Variants in HOOK1 observed in about 807,000 individuals in gnomAD.
HOOK1 encodes protein Hook homolog 1.
A neutral mutation model predicts 112.8 loss-of-function variants in HOOK1; 60 were observed. That is an observed-to-expected ratio of 0.53 (90% CI 0.43 to 0.66). The LOEUF (loss-of-function observed/expected upper bound fraction) is 0.66, where lower values mean the gene tolerates loss of function less well. HOOK1 is among the 30% of genes least tolerant of loss of function. The pLI is 0.00. For missense variants in HOOK1, 770 were observed against 856.0 expected, an observed-to-expected ratio of 0.90 and a Z score of 1.25; for synonymous variants, 294 against 283.8, an observed-to-expected ratio of 1.04 and a Z score of -0.36.
rs1009904822 is a variant in HOOK1, at chr1:59,837,068, A to G, written c.537+133A>G. 7 of 555,462 alleles carry G rather than the reference A, an allele frequency of 1.3e-5. No individual in the cohort carries two copies. The Admixed American group carries it at 1.3e-4, about 10-fold the overall frequency. 34.4% of individuals were successfully genotyped at this position (555,462 alleles called of 1,614,324 possible). A position where few individuals can be genotyped will look rare whatever the true frequency, so the allele number is the denominator to read the frequency against. ...TGTGAAATTTGGTTTATTCTTCTGC[A>G]TGATCCCAATTGAATGGCAGTGGTG... is the stretch of plus-strand genomic sequence containing the variant. On this transcript the variant is annotated intron_variant, in intron 7 of 21. Transcript: ENST00000371208.
intron 2 of HOOK1, among the ~76,000 whole-genome samples, chr1:59,824,202 A>G (rs1014740469): frequency 4.7e-5 from 7 of 150,204 alleles, no homozygotes; most frequent in African/African-American, 1.8e-4. Context: ...CACTTTAAAT[A>G]TGTTACAATT....
intron 19 of HOOK1, among the ~76,000 whole-genome samples, chr1:59,867,854 T>C (rs1303185151): frequency 6.6e-6 from 1 of 152,160 alleles, no homozygotes; most frequent in African/African-American, 2.4e-5. Flanking sequence ...CTTTATAAAA[T>C]CAATGTTTCC....
At chr1:59,835,190 T>G (rs2098396693) in intron 5 of HOOK1, among the ~76,000 whole-genome samples, 155 bp from the exon 6 acceptor site, 1 of 152,204 alleles carries the variant, frequency 6.6e-6, no homozygotes, top group Admixed American at 6.5e-5. Flanking sequence ...TCAGTTTATC[T>G]TGGTGAGGAA....
intron 2 of HOOK1, among the ~76,000 whole-genome samples, chr1:59,828,084 AC>A (rs1490481226): frequency 2.6e-5 from 4 of 152,176 alleles, no homozygotes; most frequent in African/African-American, 9.6e-5. Flanking sequence ...TCAATTCCTT[AC>A]TCAGAGAAAG....
At chr1:59,870,194 T>G (rs1178264694) in intron 20 of HOOK1, among the ~76,000 whole-genome samples, 1 of 152,208 alleles carries the variant, frequency 6.6e-6, no homozygotes, top group Non-Finnish European at 1.5e-5. Context: ...ATGTTTGAAA[T>G]GTACATCCCC....
intron 20 of HOOK1, among the ~76,000 whole-genome samples, chr1:59,870,197 A>T (rs1644034085): frequency 6.6e-6 from 1 of 152,216 alleles, no homozygotes; most frequent in African/African-American, 2.4e-5. Context: ...TTTGAAATGT[A>T]CATCCCCAAC....
At chr1:59,862,663 C>T (rs1240608400) in intron 15 of HOOK1, 121 bp from the exon 16 acceptor site, 6 of 609,222 alleles carry the variant, frequency 9.8e-6, no homozygotes, top group Admixed American at 2.4e-5. Flanking sequence ...ATAATTATTC[C>T]GCATTTGTCA....
At chr1:59,867,453 GTCT>G (rs1249876395) in intron 19 of HOOK1, among the ~76,000 whole-genome samples, 2 of 152,110 alleles carry the variant, frequency 1.3e-5, no homozygotes, top group South Asian at 4.1e-4. Flanking sequence ...TTACCATCCA[GTCT>G]TCTTCTTTTT....
chr1:59,871,871 C>T (rs1432971209), intron 21 of HOOK1, among the ~76,000 whole-genome samples: 1 of 152,200 alleles, frequency 6.6e-6, no homozygotes, highest in East Asian at 1.9e-4. Context: ...CCATGCTTTT[C>T]ATCTGAGCTC....
chr1:59,872,916 A>G lies in HOOK1; in HGVS notation c.2138A>G (p.Asn713Ser), dbSNP rs889665072. The stretch of plus-strand genomic sequence containing the variant: ...TTAGCGCAGCAACGGCACATCACCA[A>G]CACCAGAAGAAATCTCTCTGTTAAA... ...SFLAQQRHIT[N>S]TRRNLSVKVP... is the part of the protein sequence containing the mutation. The change falls in exon 22 of 22, where the codon AAC becomes AGC. Residue 713 changes from asparagine (N) to serine (S), a missense_variant. By Grantham distance (46) the Asn-to-Ser change is conservative. This residue lies in a region of HOOK1 where 111 missense variants were observed against 111.8 expected (regional missense o/e 0.99). Transcript: ENST00000371208. 1.3e-6 allele frequency: 2 copies of G among 1,523,594 alleles called. No individual in the cohort carries two copies. Among genetic ancestry groups the G allele is most frequent in the Admixed American group, 2.0e-5 (1 of 49,602 alleles). 94.4% of individuals were successfully genotyped at this position (1,523,594 alleles called of 1,614,324 possible). A position where few individuals can be genotyped will look rare whatever the true frequency, so the allele number is the denominator to read the frequency against.
intron 19 of HOOK1, 108 bp downstream of exon 19, chr1:59,866,080 T>C: frequency 1.5e-6 from 1 of 667,848 alleles, no homozygotes; most frequent in Non-Finnish European, 2.7e-6. Context: ...ATCACTTCTC[T>C]CTTAACTGTA....
chr1:59,817,053 C>G lies in HOOK1; in HGVS notation c.63+1873C>G, dbSNP rs1030737357. Among the ~76,000 whole-genome samples, 4 of 152,170 alleles carry G rather than the reference C, an allele frequency of 2.6e-5. No individual in the cohort carries two copies. In the East Asian group the frequency reaches 7.7e-4, roughly 29 times the overall value. ...CTTGGCTCTGGCTTTAGACTCCATC[C>G]CTTCCACCTCTTTTAAAACGTTATT... On this transcript the variant is annotated intron_variant, in intron 1 of 21. Transcript: ENST00000371208.
chr1:59,860,931 G>A (rs753577479), intron 15 of HOOK1, among the ~76,000 whole-genome samples: 1 of 151,844 alleles, frequency 6.6e-6, no homozygotes, highest in Non-Finnish European at 1.5e-5. Context: ...ACGCCACTAC[G>A]CCTGGCTAAT....
At position 59,866,303 on chromosome 1, in the gene HOOK1, T is replaced by G. The variant is rs548561310; in HGVS notation, c.1845+331T>G. On this transcript the variant is annotated intron_variant, in intron 19 of 21. Transcript: ENST00000371208. Reference sequence around the variant, plus strand: ...CTTATTTGCTAGAATCTTTGCAAATTTTCTAAGAATACAATTTTTCTAGAA... The same window carrying G: ...CTTATTTGCTAGAATCTTTGCAAATGTTCTAAGAATACAATTTTTCTAGAA... Among the ~76,000 whole-genome samples the G allele has an allele frequency of 7.2e-5, 11 of 152,320 alleles. No homozygotes were observed. The East Asian group carries it at 2.1e-3, about 29-fold the overall frequency.
chr1:59,820,553 CT>C (rs2098384860), intron 1 of HOOK1, among the ~76,000 whole-genome samples: 2 of 152,094 alleles, frequency 1.3e-5, no homozygotes, highest in African/African-American at 4.8e-5. Flanking sequence ...TTTCCTGAAG[CT>C]TTTTTTCCTT....
At chr1:59,817,888 A>G (rs1220015743) in intron 1 of HOOK1, among the ~76,000 whole-genome samples, 3 of 152,184 alleles carry the variant, frequency 2.0e-5, no homozygotes, top group Non-Finnish European at 2.9e-5. Flanking sequence ...GAGCTCTTAC[A>G]TGACCTATTT....
intron 12 of HOOK1, among the ~76,000 whole-genome samples, chr1:59,854,003 T>A (rs1192012185): frequency 1.3e-4 from 1 of 7,724 alleles, no homozygotes; most frequent in Non-Finnish European, 2.3e-4. Context: ...TAATCTTAAA[T>A]ATATATATAT....
intron 2 of HOOK1, among the ~76,000 whole-genome samples, chr1:59,825,875 T>C (rs2098389521): frequency 6.6e-6 from 1 of 152,194 alleles, no homozygotes; most frequent in Non-Finnish European, 1.5e-5. Context: ...ACAGTATAGA[T>C]AGATGTCCAT....
In HOOK1 at chr1:59,865,874, C is replaced by T. The variant is rs1643954447; in HGVS notation, c.1747C>T (p.Gln583Ter). Residue 583 changes from glutamine to a stop codon, truncating the protein, a stop_gained and splice_region_variant, in exon 19 of 22, where the codon CAA becomes TAA. Transcript: ENST00000371208. LOFTEE classifies it high-confidence loss of function. The part of the protein sequence containing the change: ...DLQPDINQNV[Q>*]KINELEAALQ... ...CTTCATTTTATTTTTACTAATAGTACAAAAGATCAATGAACTTGAAGCTGC... is the reference window on the plus strand; with the variant it reads ...CTTCATTTTATTTTTACTAATAGTATAAAAGATCAATGAACTTGAAGCTGC... 2.0e-6 allele frequency: 3 copies of T among 1,525,258 alleles called. No individual in the cohort carries two copies. Among genetic ancestry groups the T allele is most frequent in the South Asian group, 2.4e-5 (2 of 84,788 alleles). The allele number at this position is 1,525,258 out of a possible 1,614,324, so 94.5% of individuals were successfully genotyped here.
Sources: gnomAD v4.1 joint callset for allele counts (sites outside exome capture counted in the v4.1 genomes callset) on GRCh38, gnomAD v4.1.1 for gene constraint, gnomAD v4.1.1 regional missense constraint, MANE v1.5 for transcripts, NCBI Gene and HGNC (gene_info 2026-07-23, HGNC 2026-07-21) for gene names.